LRP1B: variants seen among roughly 807,000 people sequenced by gnomAD.
The protein encoded by LRP1B is low-density lipoprotein receptor-related protein 1B.
LRP1B carries 217 observed loss-of-function variants against 556.6 expected under a neutral mutation model. That is an observed-to-expected ratio of 0.39 (90% CI 0.35 to 0.44). LRP1B has a LOEUF of 0.44. Among genes scored for constraint, LRP1B ranks in the 20% least tolerant of loss-of-function variants. The probability of loss-of-function intolerance (pLI) is 1.00; values close to 1 mark genes in which losing one functional copy is unlikely to be tolerated. For missense variants in LRP1B, 5,053 were observed against 5,620.8 expected, an observed-to-expected ratio of 0.90 and a Z score of 3.23; for synonymous variants, 2,047 against 1,865.8, an observed-to-expected ratio of 1.10 and a Z score of -2.50.
At chr2:141,116,103 T>G (rs915246894) in intron 7 of LRP1B, among the ~76,000 whole-genome samples, 1 of 152,176 alleles carries the variant, frequency 6.6e-6, no homozygotes, top group Non-Finnish European at 1.5e-5. Flanking sequence ...AATAGCAGTA[T>G]GTTTATTTTG....
intron 2 of LRP1B, among the ~76,000 whole-genome samples, chr2:141,786,634 C>T (rs533920254): frequency 6.6e-6 from 1 of 151,816 alleles, no homozygotes; most frequent in African/African-American, 2.4e-5. Flanking sequence ...CTTTGATTTC[C>T]TTTGCTTGTC....
At chr2:141,933,992 G>A (rs1048540448) in intron 1 of LRP1B, among the ~76,000 whole-genome samples, 1 of 152,014 alleles carries the variant, frequency 6.6e-6, no homozygotes, top group East Asian at 1.9e-4. Flanking sequence ...ACTTCAGATG[G>A]TAAAATTATT....
chr2:141,134,251 C>T (rs1385552302), intron 7 of LRP1B, among the ~76,000 whole-genome samples: 2 of 151,746 alleles, frequency 1.3e-5, no homozygotes, highest in Non-Finnish European at 2.9e-5. Context: ...TAAGGTCTCC[C>T]TCCTTCAGGC....
intron 68 of LRP1B, among the ~76,000 whole-genome samples, chr2:140,377,870 T>C (rs1683303491): frequency 6.6e-6 from 1 of 152,182 alleles, no homozygotes; most frequent in East Asian, 1.9e-4. Flanking sequence ...GCAGCAAATT[T>C]ATGAACTAAT....
At chr2:141,206,738 T>G (rs1682301576) in intron 6 of LRP1B, among the ~76,000 whole-genome samples, 1 of 152,070 alleles carries the variant, frequency 6.6e-6, no homozygotes. Flanking sequence ...CACACAAACT[T>G]GTAACTAAGG....
chr2:141,284,699 AT>A (rs1685640265), intron 3 of LRP1B, among the ~76,000 whole-genome samples: 1 of 152,184 alleles, frequency 6.6e-6, no homozygotes, highest in Non-Finnish European at 1.5e-5. Context: ...ATATTCAGTT[AT>A]TATGTCAACA....
intron 6 of LRP1B, among the ~76,000 whole-genome samples, chr2:141,209,505 C>T (rs565479328): frequency 3.3e-5 from 5 of 152,270 alleles, no homozygotes; most frequent in East Asian, 1.9e-4. Flanking sequence ...AGTGTGAGAA[C>T]GGACTAATCC....
intron 2 of LRP1B, among the ~76,000 whole-genome samples, chr2:141,508,644 T>G (rs1430728384): frequency 1.1e-4 from 1 of 9,414 alleles, no homozygotes; most frequent in Non-Finnish European, 1.0e-3. Flanking sequence ...TCCTGACACA[T>G]CTCTGTTTTT....
intron 43 of LRP1B, among the ~76,000 whole-genome samples, chr2:140,561,913 C>T (rs941952004): frequency 2.0e-5 from 3 of 151,804 alleles, no homozygotes; most frequent in East Asian, 1.9e-4. Flanking sequence ...TGGTTTATCT[C>T]AGGAATGCTT....
chr2:140,744,732 T>A (rs1342724942), intron 35 of LRP1B, among the ~76,000 whole-genome samples: 1 of 152,210 alleles, frequency 6.6e-6, no homozygotes. Context: ...CACTCTGTAA[T>A]GTGTTTTCCT....
At chr2:140,315,583 T>A (rs958949496) in intron 82 of LRP1B, among the ~76,000 whole-genome samples, 1 of 152,130 alleles carries the variant, frequency 6.6e-6, no homozygotes, top group African/African-American at 2.4e-5. Flanking sequence ...GGCCAATTTT[T>A]AAATTTTTTG....
chr2:141,457,394 G>A (rs548288488), intron 3 of LRP1B, among the ~76,000 whole-genome samples: 7 of 152,190 alleles, frequency 4.6e-5, no homozygotes, highest in East Asian at 1.9e-4. Flanking sequence ...ATGAAAAGAC[G>A]TGGAGACAGG....
At chr2:141,095,043 A>G (rs908302029) in intron 7 of LRP1B, among the ~76,000 whole-genome samples, 1 of 152,144 alleles carries the variant, frequency 6.6e-6, no homozygotes, top group Non-Finnish European at 1.5e-5. Flanking sequence ...GCAAAAGTGA[A>G]TTGATTGTGA....
rs555947668 is a variant in LRP1B, at chr2:141,261,203, G to A, written c.344-6562C>T. On this transcript the variant is annotated intron_variant, in intron 3 of 90. Coordinates refer to ENST00000389484, the MANE Select transcript of LRP1B (RefSeq NM_018557.3). ...TGAGCTGGTTTGCAGAGATCAGGCC[G>A]TTGCTTATGACTGCTTACATGAATT... Among the ~76,000 whole-genome samples the A allele has an allele frequency of 9.2e-5, 14 of 152,208 alleles. No individual in the cohort carries two copies. In the East Asian group the frequency reaches 9.7e-4, roughly 11 times the overall value.
intron 7 of LRP1B, among the ~76,000 whole-genome samples, chr2:141,068,011 A>G (rs1455997767): frequency 6.6e-6 from 1 of 151,976 alleles, no homozygotes; most frequent in African/African-American, 2.4e-5. Flanking sequence ...TGAATACAGG[A>G]GATTATTTGA....
At chr2:141,931,953 C>A (rs1700520322) in intron 1 of LRP1B, among the ~76,000 whole-genome samples, 1 of 151,878 alleles carries the variant, frequency 6.6e-6, no homozygotes, top group South Asian at 2.1e-4. Flanking sequence ...TTTCTATGAG[C>A]AATGAGGATT....
At chr2:142,061,041 C>T (rs1334453283) in intron 1 of LRP1B, among the ~76,000 whole-genome samples, 2 of 151,836 alleles carry the variant, frequency 1.3e-5, no homozygotes, top group African/African-American at 4.8e-5. Flanking sequence ...GGGCTACTAT[C>T]AAAGGGGAGT....
intron 2 of LRP1B, among the ~76,000 whole-genome samples, chr2:141,772,754 T>C (rs1207423128): frequency 6.6e-6 from 1 of 152,166 alleles, no homozygotes; most frequent in African/African-American, 2.4e-5. Context: ...CTAGGAATGT[T>C]TGGTGGGATT....
chr2:142,102,210 A>G (rs1336411853), intron 1 of LRP1B, among the ~76,000 whole-genome samples: 1 of 152,058 alleles, frequency 6.6e-6, no homozygotes, highest in Admixed American at 6.6e-5. Flanking sequence ...GTCTCAAAAC[A>G]TTAGCCTTAT....
Sources: allele counts gnomAD v4.1 joint callset (sites outside exome capture counted in the v4.1 genomes callset), GRCh38; gene constraint gnomAD v4.1.1; transcripts MANE v1.5; gene names NCBI Gene and HGNC (gene_info 2026-07-23, HGNC 2026-07-21).